Variants in RANGAP1 observed in about 807,000 individuals in gnomAD.
The protein encoded by RANGAP1 is ran GTPase-activating protein 1.
In RANGAP1, 38 loss-of-function variants were observed where a neutral mutation model predicts 63.5. The observed-to-expected ratio is 0.60, with a 90% CI of 0.46 to 0.78. The LOEUF is 0.78. RANGAP1 is among the 30% of genes least tolerant of loss of function. The probability of loss-of-function intolerance (pLI) is 0.00; values close to 1 mark genes in which losing one functional copy is unlikely to be tolerated. For synonymous variants in RANGAP1, 329 were observed against 310.5 expected, an observed-to-expected ratio of 1.06 and a Z score of -0.63; for missense variants, 630 against 740.3, an observed-to-expected ratio of 0.85 and a Z score of 1.73.
upstream of RANGAP1, among the ~76,000 whole-genome samples, chr22:41,287,232 A>G (rs1205931408): frequency 6.6e-6 from 1 of 152,230 alleles, no homozygotes; most frequent in Admixed American, 6.5e-5. Flanking sequence ...AAATATACCT[A>G]TACATATACA....
chr22:41,267,547 T>C (rs1048500866), intron 4 of RANGAP1, among the ~76,000 whole-genome samples: 1 of 152,132 alleles, frequency 6.6e-6, no homozygotes, highest in Non-Finnish European at 1.5e-5. Flanking sequence ...GTTGCCTCTT[T>C]CTATTTCCTT....
chr22:41,247,925 T>A (rs2033160119), intron 15 of RANGAP1, among the ~76,000 whole-genome samples: 1 of 151,980 alleles, frequency 6.6e-6, no homozygotes, highest in Admixed American at 6.6e-5. Context: ...GTGCTGGAGG[T>A]TGGGCAACAA....
intron 1 of RANGAP1, among the ~76,000 whole-genome samples, chr22:41,283,214 A>AGGGG (rs150478888): frequency 9.0e-6 from 1 of 111,400 alleles, no homozygotes; most frequent in African/African-American, 3.4e-5. Context: ...TAAAAAAAAA[A>AGGGG]GGGGGGGGTT....
chr22:41,281,122 TG>T, intron 1 of RANGAP1, 40 bp from the exon 2 acceptor site: 1 of 1,498,018 alleles, frequency 6.7e-7, no homozygotes. Flanking sequence ...AGGAGTCTCC[TG>T]GGGCCCCTGG....
intron 2 of RANGAP1, 199 bp downstream of exon 2, chr22:41,280,734 C>A: frequency 6.6e-7 from 1 of 1,514,822 alleles, no homozygotes; most frequent in Non-Finnish European, 8.8e-7. Context: ...CCAATACAAA[C>A]ATGGAAAGTG....
intron 15 of RANGAP1, 80 bp from the exon 16 acceptor site, chr22:41,246,752 A>T: frequency 7.5e-7 from 1 of 1,331,064 alleles, no homozygotes; most frequent in Non-Finnish European, 1.1e-6. Flanking sequence ...TTGGTGCCAG[A>T]CTCATTTTTG....
chr22:41,283,214 A>AGG (rs150478888), intron 1 of RANGAP1, among the ~76,000 whole-genome samples: 41 of 111,230 alleles, frequency 3.7e-4, no homozygotes, highest in Middle Eastern at 5.0e-3. Context: ...TAAAAAAAAA[A>AGG]GGGGGGGGTT....
intron 2 of RANGAP1, among the ~76,000 whole-genome samples, chr22:41,279,892 G>C (rs1246892990): frequency 6.6e-6 from 1 of 151,584 alleles, no homozygotes; most frequent in Non-Finnish European, 1.5e-5. Context: ...GAGATGAGGA[G>C]TTCGAGAGCA....
Position 41,254,356 on chromosome 22 carries a change from T to G in RANGAP1, c.1212A>C (p.Gly404=). 1 of 1,614,092 alleles carries G rather than the reference T, an allele frequency of 6.2e-7. No individual in the cohort carries two copies. The highest frequency in any genetic ancestry group is 8.5e-7 in the Non-Finnish European group (1 of 1,180,008). The part of the protein sequence containing the change: ...EEEEPQQRGQ[G]EKSATPSRKI... ...TCCGTGAGGGCGTGGCTGACTTCTC[T>G]CCCTGCCCTCGCTGCTGAGGCTCTT... is the stretch of plus-strand genomic sequence containing the variant. Residue 404 remains glycine (G), a synonymous_variant, in exon 11 of 16, where the codon GGA becomes GGC. Coordinates refer to ENST00000356244, the MANE Select transcript of RANGAP1 (RefSeq NM_002883.4).
intron 10 of RANGAP1, 143 bp downstream of exon 10, chr22:41,255,878 C>T (rs948139495): frequency 2.1e-5 from 17 of 801,850 alleles, no homozygotes; most frequent in Non-Finnish European, 3.1e-5. Flanking sequence ...CACTTGAACC[C>T]AGGAGGTGGA....
At chr22:41,280,708 G>A (rs1465762123) in intron 2 of RANGAP1, 22 of 1,484,952 alleles carry the variant, frequency 1.5e-5, no homozygotes, top group Non-Finnish European at 2.0e-5. Flanking sequence ...AGAAAGGGCA[G>A]GGCACAAAGG....
At chr22:41,248,358 G>GGCCT (rs58068479) in intron 15 of RANGAP1, among the ~76,000 whole-genome samples, 1,833 of 152,340 alleles carry the variant, frequency 0.012, 41 homozygotes, top group African/African-American at 0.042. Flanking sequence ...CAGAAGGTAA[G>GGCCT]GCCTGGCTAA....
intron 4 of RANGAP1, among the ~76,000 whole-genome samples, chr22:41,267,791 T>C (rs894197190): frequency 1.3e-5 from 2 of 152,048 alleles, no homozygotes; most frequent in Non-Finnish European, 2.9e-5. Context: ...GGCAATCATA[T>C]TGGGGTGAAA....
At chr22:41,247,379 CCT>C (rs1296290541) in intron 15 of RANGAP1, among the ~76,000 whole-genome samples, 1 of 150,834 alleles carries the variant, frequency 6.6e-6, no homozygotes, top group Admixed American at 6.6e-5. Context: ...TGAGACAGGG[CCT>C]CTCTTTGTTG....
chr22:41,273,493 C>T (rs879588352), intron 3 of RANGAP1, among the ~76,000 whole-genome samples: 18 of 152,072 alleles, frequency 1.2e-4, no homozygotes, highest in South Asian at 2.1e-4. Context: ...GCCAGCCGCA[C>T]GCAGTGGCTC....
At chr22:41,276,971 C>T (rs1433077399) in intron 2 of RANGAP1, among the ~76,000 whole-genome samples, 4 of 128,764 alleles carry the variant, frequency 3.1e-5, no homozygotes, top group East Asian at 4.5e-4. Flanking sequence ...GGCTACAGAG[C>T]GAGACTGTTT....
chr22:41,250,583 C>G (rs60039703), intron 13 of RANGAP1, among the ~76,000 whole-genome samples: 3,265 of 152,186 alleles, frequency 0.021, 93 homozygotes, highest in African/African-American at 0.074. Flanking sequence ...TCCAAGGAAG[C>G]CCCCATAATG....
chr22:41,248,345 G>A (rs1214419963), intron 15 of RANGAP1, among the ~76,000 whole-genome samples: 1 of 152,160 alleles, frequency 6.6e-6, no homozygotes, highest in East Asian at 1.9e-4. Flanking sequence ...GGGGAAATGC[G>A]GCCAGAAGGT....
rs2099290104 is a variant in RANGAP1, at chr22:41,256,820, A to G, written c.779T>C (p.Leu260Ser). Residue 260 changes from leucine to serine, a missense_variant, in exon 8 of 16, where the codon TTG becomes TCG. Leu to Ser is a moderately radical substitution (Grantham distance 145, BLOSUM62 -2). Around this residue, in one of 3 missense-constraint regions of RANGAP1, gnomAD observed 428 missense variants for 465.5 expected, o/e 0.92. Transcript: ENST00000356244. ...CACCTCCACCTGCCGCAAGGTCTTC[A>G]AGGTCTGTGAGGGGGAAGCAAGGGT... is the stretch of plus-strand genomic sequence containing the variant. ...EKGAVAMAET[L>S]KTLRQVEVIN... The G allele has an allele frequency of 1.2e-6, 2 of 1,613,654 alleles. No homozygotes were observed. Among genetic ancestry groups the G allele is most frequent in the South Asian group, 2.2e-5 (2 of 91,052 alleles).
Sources: allele counts gnomAD v4.1 joint callset (sites outside exome capture counted in the v4.1 genomes callset), GRCh38; gene constraint gnomAD v4.1.1; regional missense constraint gnomAD v4.1.1; transcripts MANE v1.5; gene names NCBI Gene and HGNC (gene_info 2026-07-23, HGNC 2026-07-21).